The following INPP5J variants were observed in gnomAD, a reference collection of about 807,000 sequenced individuals.
INPP5J encodes inositol polyphosphate-5-phosphatase J.
INPP5J carries 75 observed loss-of-function variants against 86.6 expected under a neutral mutation model. The ratio of observed to expected loss-of-function variants is 0.87; its 90% CI spans 0.72 to 1.05. The LOEUF is 1.05. Ranked by LOEUF, INPP5J falls within the 50% of genes least tolerant of loss-of-function variation. The pLI, the probability that INPP5J is intolerant of heterozygous loss-of-function variation, is 0.00. For missense variants in INPP5J, 1,229 were observed against 1,341.2 expected, an observed-to-expected ratio of 0.92 and a Z score of 1.31; for synonymous variants, 540 against 550.0, an observed-to-expected ratio of 0.98 and a Z score of 0.25.
chr22:31,128,605 A>G lies in INPP5J; in HGVS notation c.2144A>G (p.Glu715Gly). ...CAGCACAGCTACCGCAGCCACATGG[A>G]ATACACAGTCAGCGACCACAAGCCT... The part of the protein sequence containing the change: ...VTQHSYRSHM[E>G]YTVSDHKPVA... Residue 715 changes from glutamate (E) to glycine (G), a missense_variant, in exon 9 of 13, where the codon GAA becomes GGA. Transcript: ENST00000331075. 1 of 1,611,446 alleles carries G rather than the reference A, an allele frequency of 6.2e-7. No homozygotes were observed. Among genetic ancestry groups the G allele is most frequent in the Non-Finnish European group, 8.5e-7 (1 of 1,178,786 alleles).
intron 1 of INPP5J, chr22:31,124,223 C>T: frequency 1.0e-6 from 1 of 984,386 alleles, no homozygotes; most frequent in Middle Eastern, 5.2e-4. Context: ...CAGCCAGTCT[C>T]AGCTCCCAGC....
Position 31,134,212 on chromosome 22 carries a change from A to C in INPP5J, c.2814A>C (p.Glu938Asp). The change falls in exon 13 of 13, where the codon GAA (glutamate) becomes GAC (aspartate). Residue 938 changes from glutamate (E) to aspartate (D), a missense_variant. Physicochemically the swap from Glu to Asp is conservative, Grantham distance 45. Transcript: ENST00000331075. ...ATGGCAGCAGCCGGGGCAGTAGTGA[A>C]GAGGGGCCCTCTGGGTTGCCTGGCC... is the stretch of plus-strand genomic sequence containing the variant. ...SSNGSSRGSSEEGPSGLPGPW... is the reference protein window; with the variant it reads ...SSNGSSRGSSDEGPSGLPGPW... 1.9e-6 allele frequency: 3 copies of C among 1,550,130 alleles called. No individual in the cohort carries two copies. The highest frequency in any genetic ancestry group is 1.7e-6 in the Non-Finnish European group (2 of 1,146,760).
chr22:31,127,711 G>T, intron 6 of INPP5J, 179 bp downstream of exon 6: 1 of 747,040 alleles, frequency 1.3e-6, no homozygotes. Context: ...GAGCTTGTAG[G>T]GTGGAGCTTT....
At chr22:31,133,371 G>T (rs756601541) in intron 10 of INPP5J, 35 bp from the exon 11 acceptor site, 4 of 1,610,312 alleles carry the variant, frequency 2.5e-6, no homozygotes, top group South Asian at 1.1e-5. Context: ...ACATTATAGG[G>T]TCACAACACT....
chr22:31,127,232 C>T (rs868429533), intron 5 of INPP5J, 125 bp from the exon 6 acceptor site: 11 of 917,848 alleles, frequency 1.2e-5, no homozygotes, highest in Middle Eastern at 6.7e-4. Context: ...TGTGTCCCAG[C>T]GTTGTTCCTC....
intron 12 of INPP5J, 85 bp downstream of exon 12, chr22:31,133,799 G>C: frequency 6.3e-7 from 1 of 1,583,768 alleles, no homozygotes; most frequent in Middle Eastern, 1.7e-4. Flanking sequence ...CTTGAGTTCA[G>C]ACAAATAACC....
Position 31,125,256 on chromosome 22 carries a change from T to C in INPP5J, c.517T>C (p.Ser173Pro). The C allele has an allele frequency of 6.4e-7, 1 of 1,550,388 alleles. No individual in the cohort carries two copies. The highest frequency in any genetic ancestry group is 1.2e-5 in the South Asian group (1 of 84,052). Residue 173 changes from serine (S) to proline (P), a missense_variant, in exon 2 of 13, where the codon TCC (serine) becomes CCC (proline). Coordinates refer to ENST00000331075, the MANE Select transcript of INPP5J (RefSeq NM_001284285.2). ...AGACCAGAAGCAGGAGCCACCTGCCTCCGTGGGACCCAAGCCAACACTGGC... is the reference window on the plus strand; with the variant it reads ...AGACCAGAAGCAGGAGCCACCTGCCCCCGTGGGACCCAAGCCAACACTGGC... ...SRDQKQEPPASVGPKPTLAAS... is the reference protein window; with the variant it reads ...SRDQKQEPPAPVGPKPTLAAS...
At chr22:31,128,899 G>A (rs1921774793) in intron 9 of INPP5J, among the ~76,000 whole-genome samples, 1 of 150,816 alleles carries the variant, frequency 6.6e-6, no homozygotes, top group South Asian at 2.1e-4. Flanking sequence ...GAACCCAAGT[G>A]AGTCTGGTTT....
intron 9 of INPP5J, among the ~76,000 whole-genome samples, chr22:31,129,393 G>A (rs190425795): frequency 2.6e-4 from 38 of 145,354 alleles, no homozygotes; most frequent in Middle Eastern, 4.4e-3. Flanking sequence ...GGCACCCGCC[G>A]TCATGCCCGG....
At chr22:31,126,080 A>T (rs933041837) in intron 2 of INPP5J, 70 bp downstream of exon 2, 2 of 1,358,140 alleles carry the variant, frequency 1.5e-6, no homozygotes, top group Non-Finnish European at 2.0e-6. Context: ...TCCAGGGTGG[A>T]TGGTGTGCTC....
rs561550194 is a variant in INPP5J, at chr22:31,128,579, G to A, written c.2118G>A (p.Thr706=). The stretch of plus-strand genomic sequence containing the variant: ...GGAAGAGCCACCGACTCCAGGTGAC[G>A]CAGCACAGCTACCGCAGCCACATGG... ...SGRKSHRLQV[T]QHSYRSHMEY... The change falls in exon 9 of 13, where the codon ACG becomes ACA. Residue 706 remains threonine (T), a synonymous_variant. Coordinates refer to ENST00000331075, the MANE Select transcript of INPP5J (RefSeq NM_001284285.2). 2.7e-5 allele frequency: 44 copies of A among 1,613,150 alleles called. No homozygotes were observed. The South Asian group carries it at 2.9e-4, about 10-fold the overall frequency.
rs762559409 is a variant in INPP5J, at chr22:31,133,436, G to A, written c.2362G>A (p.Ala788Thr). The A allele has an allele frequency of 6.2e-7, 1 of 1,613,926 alleles. No individual in the cohort carries two copies. Among genetic ancestry groups the A allele is most frequent in the East Asian group, 2.2e-5 (1 of 44,882 alleles). The change falls in exon 11 of 13, where the codon GCT becomes ACT. Residue 788 changes from alanine to threonine, a missense_variant. Coordinates refer to ENST00000331075, the MANE Select transcript of INPP5J (RefSeq NM_001284285.2). ...VGFRHCKDYV[A>T]YVWAKHEDVD... ...TTTCCGCCATTGCAAGGACTATGTGGCTTATGTCTGGGCCAAACATGAAGA... is the reference window on the plus strand; with the variant it reads ...TTTCCGCCATTGCAAGGACTATGTGACTTATGTCTGGGCCAAACATGAAGA...
At chr22:31,126,300 AG>A in intron 2 of INPP5J, 75 bp from the exon 3 acceptor site, 1 of 1,251,858 alleles carries the variant, frequency 8.0e-7, no homozygotes, top group Non-Finnish European at 1.1e-6. Flanking sequence ...TTAGTTCCCC[AG>A]GGAGTCCTGT....
chr22:31,126,592 A>G, intron 3 of INPP5J, 21 bp from the exon 4 acceptor site: 1 of 1,606,562 alleles, frequency 6.2e-7, no homozygotes, highest in Non-Finnish European at 8.5e-7. Flanking sequence ...TCCCATGGCC[A>G]CCCTGCCCCC....
At chr22:31,129,772 C>T (rs1416770090) in intron 9 of INPP5J, among the ~76,000 whole-genome samples, 2 of 151,724 alleles carry the variant, frequency 1.3e-5, no homozygotes, top group Non-Finnish European at 2.9e-5. Context: ...GAACTCCTGA[C>T]CTCCGGTGAT....
chr22:31,126,874 C>T (rs771796443), intron 4 of INPP5J, 47 bp from the exon 5 acceptor site: 14 of 1,484,896 alleles, frequency 9.4e-6, no homozygotes, highest in Non-Finnish European at 1.2e-5. Context: ...GGCGCGAGGG[C>T]GGGGGAGTTG....
Position 31,134,416 on chromosome 22 carries a change from C to G in INPP5J, c.3018C>G (p.Pro1006=), listed in dbSNP as rs1922412713. 6.9e-7 allele frequency: 1 copy of G among 1,455,900 alleles called. No individual in the cohort carries two copies. The highest frequency in any genetic ancestry group is 9.1e-7 in the Non-Finnish European group (1 of 1,103,408). The allele number at this position is 1,455,900 out of a possible 1,614,324, so 90.2% of individuals were successfully genotyped here. ...HRGLEEGGLG[P] ...GGCTGGAGGAAGGGGGCCTGGGGCC[C>G]TGAGGGTGGGGTAGGCAGATGGGCC... The change falls in exon 13 of 13, where the codon CCC becomes CCG. Residue 1006 remains proline, a synonymous_variant. Transcript: ENST00000331075.
upstream of INPP5J, chr22:31,122,770 G>T: frequency 2.3e-6 from 1 of 430,070 alleles, no homozygotes; most frequent in Non-Finnish European, 4.1e-6. Flanking sequence ...CTGCCAGTTG[G>T]GACCTGGGCC....
chr22:31,125,361 C>G lies in INPP5J; in HGVS notation c.622C>G (p.Pro208Ala), dbSNP rs988731513. The G allele has an allele frequency of 3.2e-6, 5 of 1,550,462 alleles. No individual in the cohort carries two copies. Among genetic ancestry groups the G allele is most frequent in the Non-Finnish European group, 4.4e-6 (5 of 1,147,004 alleles). ...CTCCACCCCTTCCCCGGTGCCCAGT[C>G]CAGTTCTGTCTCCAACTCAGGAACA... ...LPSTPSPVPS[P>A]VLSPTQEQAL... is the part of the protein sequence containing the mutation. Residue 208 changes from proline to alanine, a missense_variant, in exon 2 of 13, where the codon CCA becomes GCA. By Grantham distance (27) the Pro-to-Ala change is conservative. Coordinates refer to ENST00000331075, the MANE Select transcript of INPP5J (RefSeq NM_001284285.2).
Sources: allele counts gnomAD v4.1 joint callset (sites outside exome capture counted in the v4.1 genomes callset), GRCh38; gene constraint gnomAD v4.1.1; transcripts MANE v1.5; gene names NCBI Gene and HGNC (gene_info 2026-07-23, HGNC 2026-07-21).